The following GCNT2 variants were observed in gnomAD, a reference collection of about 807,000 sequenced individuals.
GCNT2 encodes N-acetyllactosaminide beta-1,6-N-acetylglucosaminyl-transferase.
Under a neutral mutation model 34.2 loss-of-function variants are expected in GCNT2, and 34 were observed. The ratio of observed to expected loss-of-function variants is 1.00; its 90% CI spans 0.76 to 1.32. The LOEUF (loss-of-function observed/expected upper bound fraction) is 1.32. Ranked by LOEUF, GCNT2 falls within the 40% of genes most tolerant of loss-of-function variation. GCNT2 has a pLI of 0.00. For missense variants in GCNT2, 584 were observed against 489.4 expected (o/e 1.19, Z -1.82); for synonymous variants, 212 against 188.0 (o/e 1.13, Z -1.04).
At chr6:10,565,105 T>A (rs555710266) in intron 3 of GCNT2, among the ~76,000 whole-genome samples, 1 of 152,252 alleles carries the variant, frequency 6.6e-6, no homozygotes, top group African/African-American at 2.4e-5. Flanking sequence ...GGAATAGGGA[T>A]CGCAAAGGTC....
At chr6:10,551,840 C>A (rs1762495373) in intron 3 of GCNT2, among the ~76,000 whole-genome samples, 1 of 152,082 alleles carries the variant, frequency 6.6e-6, no homozygotes, top group East Asian at 1.9e-4. Context: ...TCACTGCAAC[C>A]TCTGTCTCCC....
rs547127442 is a variant in GCNT2 at position 10,529,789 on chromosome 6, C to T, written c.878C>T (p.Thr293Ile). ...ALDLLSWSKDTYSPDEHFWVT... is the reference protein window; with the variant it reads ...ALDLLSWSKDIYSPDEHFWVT... ...GACTTACTCTCCTGGTCCAAGGACACCTACAGCCCCGACGAACATTTCTGG... is the reference window on the plus strand; with the variant it reads ...GACTTACTCTCCTGGTCCAAGGACATCTACAGCCCCGACGAACATTTCTGG... Residue 293 changes from threonine to isoleucine, a missense_variant, in exon 3 of 5, where the codon ACC (threonine) becomes ATC (isoleucine). By Grantham distance (89) the Thr-to-Ile change is moderately conservative (BLOSUM62 -1). Transcript: ENST00000495262. The T allele has an allele frequency of 5.6e-6, 9 of 1,614,132 alleles. No individual in the cohort carries two copies. The South Asian group carries it at 9.9e-5, about 18-fold the overall frequency.
At chr6:10,585,636 C>G (rs1764308828) in intron 3 of GCNT2, 2 of 384,796 alleles carry the variant, frequency 5.2e-6, no homozygotes, top group Admixed American at 9.3e-5. Context: ...GTGAAAAGGA[C>G]CCATCATTGC....
Position 10,576,425 on chromosome 6 carries a change from AAC to A in GCNT2, c.926-44924_926-44923del, listed in dbSNP as rs1763814574. 2.0e-5 allele frequency among the ~76,000 whole-genome samples: 3 copies of A among 152,320 alleles called. No homozygotes were observed. The South Asian group carries it at 6.2e-4, about 32-fold the overall frequency. On this transcript the variant is annotated intron_variant, in intron 3 of 4. Coordinates refer to ENST00000495262, the MANE Select transcript of GCNT2 (RefSeq NM_145649.5). ...ATGCCTGAAGTAGAATCACATGGCA[AAC>A]ATATTTGCCTCACGTTATCTGAGGA...
At chr6:10,617,993 G>A (rs563047392) in intron 3 of GCNT2, among the ~76,000 whole-genome samples, 118 of 152,064 alleles carry the variant, frequency 7.8e-4, no homozygotes, top group African/African-American at 2.7e-3. Flanking sequence ...GACCTCAGGT[G>A]ATCCGCCCGC....
At chr6:10,570,737 T>G (rs940535654) in intron 3 of GCNT2, among the ~76,000 whole-genome samples, 14 of 152,188 alleles carry the variant, frequency 9.2e-5, no homozygotes, top group Non-Finnish European at 1.6e-4. Flanking sequence ...AATCCCCTCT[T>G]GTGTCCTATG....
intron 3 of GCNT2, among the ~76,000 whole-genome samples, chr6:10,538,688 CA>C (rs1761898631): frequency 6.6e-6 from 1 of 151,558 alleles, no homozygotes; most frequent in African/African-American, 2.4e-5. Flanking sequence ...GAAATTGCCC[CA>C]ATATGTAGTT....
In GCNT2 at chr6:10,567,480, G is replaced by A. The variant is rs559476683; in HGVS notation, c.925+37644G>A. Among the ~76,000 whole-genome samples, 3 of 152,228 alleles carry A rather than the reference G, an allele frequency of 2.0e-5. No individual in the cohort carries two copies. In the South Asian group the frequency reaches 6.2e-4, roughly 32 times the overall value. On this transcript the variant is annotated intron_variant, in intron 3 of 4. Transcript: ENST00000495262. The stretch of plus-strand genomic sequence containing the variant: ...TCAAAGAAAAAGAAAAAAGATGAAA[G>A]GGAAGACTGACCATGTTGGAATGTG...
At chr6:10,615,724 G>T (rs1765730751) in intron 3 of GCNT2, among the ~76,000 whole-genome samples, 1 of 152,056 alleles carries the variant, frequency 6.6e-6, no homozygotes, top group Non-Finnish European at 1.5e-5. Flanking sequence ...CAACCCCGAG[G>T]GCTGCTGGTT....
At chr6:10,621,567 T>G (rs778740040) in intron 4 of GCNT2, 124 bp downstream of exon 4, 2 of 716,450 alleles carry the variant, frequency 2.8e-6, no homozygotes, top group Non-Finnish European at 5.1e-6. Flanking sequence ...TGTTAGTTAT[T>G]GGAGAAGCCA....
At chr6:10,551,691 C>G in intron 3 of GCNT2, among the ~76,000 whole-genome samples, 1 of 151,748 alleles carries the variant, frequency 6.6e-6, no homozygotes, top group Non-Finnish European at 1.5e-5. Context: ...GATCCACCTG[C>G]CTTGGCCTCC....
chr6:10,560,181 C>T (rs1424709818), intron 3 of GCNT2, among the ~76,000 whole-genome samples: 3 of 152,128 alleles, frequency 2.0e-5, no homozygotes, highest in East Asian at 1.9e-4. Flanking sequence ...CTCTGCCTCC[C>T]GGGCTCAAGT....
At chr6:10,588,581 G>C (rs1764454463) in intron 3 of GCNT2, among the ~76,000 whole-genome samples, 1 of 152,088 alleles carries the variant, frequency 6.6e-6, no homozygotes, top group Admixed American at 6.6e-5. Context: ...CTTTTTTCCT[G>C]TATATCTAAA....
intron 4 of GCNT2, among the ~76,000 whole-genome samples, chr6:10,625,782 G>A (rs918126859): frequency 1.3e-5 from 2 of 152,078 alleles, no homozygotes; most frequent in African/African-American, 4.8e-5. Flanking sequence ...AGACAGTACC[G>A]AACTCTAAAT....
intron 3 of GCNT2, among the ~76,000 whole-genome samples, chr6:10,614,055 T>C (rs1303572066): frequency 6.6e-6 from 1 of 152,186 alleles, no homozygotes; most frequent in African/African-American, 2.4e-5. Flanking sequence ...GGGATCTCCA[T>C]GTATCTTTCA....
At chr6:10,525,810 C>G (rs1024005893) in intron 1 of GCNT2, among the ~76,000 whole-genome samples, 1 of 152,092 alleles carries the variant, frequency 6.6e-6, no homozygotes, top group Non-Finnish European at 1.5e-5. Flanking sequence ...TGTTCGTTAC[C>G]CTGCAACTAA....
intron 3 of GCNT2, among the ~76,000 whole-genome samples, chr6:10,616,541 A>T (rs1426378282): frequency 6.6e-6 from 1 of 152,120 alleles, no homozygotes; most frequent in Non-Finnish European, 1.5e-5. Flanking sequence ...CCACTAGATT[A>T]GCTAGACACA....
chr6:10,608,732 C>T (rs980363530), intron 3 of GCNT2, among the ~76,000 whole-genome samples: 1 of 152,156 alleles, frequency 6.6e-6, no homozygotes, highest in Non-Finnish European at 1.5e-5. Context: ...TAGTTCCTAA[C>T]AAGGTTGAGC....
chr6:10,540,226 C>T (rs929486976), intron 3 of GCNT2, among the ~76,000 whole-genome samples: 2 of 152,132 alleles, frequency 1.3e-5, no homozygotes, highest in African/African-American at 4.8e-5. Context: ...GCAATGTCAC[C>T]TGTCTGTAGT....
Sources: gnomAD v4.1 joint callset for allele counts (sites outside exome capture counted in the v4.1 genomes callset) on GRCh38, gnomAD v4.1.1 for gene constraint, MANE v1.5 for transcripts, NCBI Gene and HGNC (gene_info 2026-07-23, HGNC 2026-07-21) for gene names.